Variants in CEP112 observed in about 807,000 individuals in gnomAD.
CEP112 encodes the protein centrosomal protein 112.
Under a neutral mutation model 153.0 loss-of-function variants are expected in CEP112, and 127 were observed. The ratio of observed to expected loss-of-function variants is 0.83; its 90% CI spans 0.72 to 0.96. The LOEUF (loss-of-function observed/expected upper bound fraction) is 0.96, where lower values mean the gene tolerates loss of function less well. CEP112 is among the 40% of genes least tolerant of loss of function. The pLI is 0.00. For synonymous variants in CEP112, 358 were observed against 374.4 expected, an observed-to-expected ratio of 0.96 and a Z score of 0.51; for missense variants, 1,089 against 1,101.2, an observed-to-expected ratio of 0.99 and a Z score of 0.16.
intron 18 of CEP112, among the ~76,000 whole-genome samples, chr17:65,945,301 A>G (rs954597636): frequency 6.6e-6 from 1 of 152,146 alleles, no homozygotes; most frequent in Non-Finnish European, 1.5e-5. Flanking sequence ...GGATTTGGGC[A>G]TTTTCCAGTT....
chr17:66,128,302 C>CAAAAAAAAAAAAAAAA (rs33978059), intron 6 of CEP112, among the ~76,000 whole-genome samples: 1 of 73,492 alleles, frequency 1.4e-5, no homozygotes, highest in Non-Finnish European at 2.4e-5. Context: ...GATTCTGTCT[C>CAAAAAAAAAAAAAAAA]AAAAAAAAAA....
intron 6 of CEP112, among the ~76,000 whole-genome samples, chr17:66,125,901 GTCTT>G (rs1259224149): frequency 2.0e-5 from 3 of 152,028 alleles, no homozygotes; most frequent in Admixed American, 6.6e-5. Flanking sequence ...ATAAAAGTTG[GTCTT>G]TCTATGTATG....
intron 4 of CEP112, among the ~76,000 whole-genome samples, chr17:66,172,473 T>A (rs2072287490): frequency 6.6e-6 from 1 of 152,172 alleles, no homozygotes; most frequent in East Asian, 1.9e-4. Flanking sequence ...GAATGCCTCA[T>A]ACTCTAGCAA....
chr17:65,800,371 T>C (rs1480379769), intron 21 of CEP112, among the ~76,000 whole-genome samples: 1 of 152,214 alleles, frequency 6.6e-6, no homozygotes, highest in Non-Finnish European at 1.5e-5. Flanking sequence ...ATGTGTGCTT[T>C]TGTGTCCAGA....
intron 24 of CEP112, among the ~76,000 whole-genome samples, chr17:65,660,319 CCTTT>C (rs149829911): frequency 0.15 from 18,778 of 121,712 alleles, 2,149 homozygotes; most frequent in East Asian, 0.41. Context: ...TTTCTTTCTT[CCTTT>C]CTTTCTCTTT....
chr17:65,725,212 T>C (rs2050110496), intron 23 of CEP112, among the ~76,000 whole-genome samples: 1 of 152,232 alleles, frequency 6.6e-6, no homozygotes, highest in South Asian at 2.1e-4. Context: ...ATGGGGTCCC[T>C]ACTTCTTTTA....
chr17:65,969,108 G>A (rs2062529665), intron 17 of CEP112, among the ~76,000 whole-genome samples: 1 of 129,492 alleles, frequency 7.7e-6, no homozygotes, highest in East Asian at 2.1e-4. Context: ...TTGAGACAAT[G>A]TCTTGATCTG....
At chr17:66,130,557 C>T (rs1035453904) in intron 5 of CEP112, among the ~76,000 whole-genome samples, 2 of 151,942 alleles carry the variant, frequency 1.3e-5, no homozygotes, top group Admixed American at 6.6e-5. Flanking sequence ...GGGCAGATCA[C>T]GAGGTCAGGA....
chr17:66,140,201 G>A (rs912452469), intron 4 of CEP112, among the ~76,000 whole-genome samples: 3 of 152,112 alleles, frequency 2.0e-5, no homozygotes, highest in Non-Finnish European at 4.4e-5. Flanking sequence ...GATCGATGCA[G>A]AAAGAGCATG....
intron 17 of CEP112, among the ~76,000 whole-genome samples, chr17:65,975,120 C>T (rs2062983837): frequency 6.6e-6 from 1 of 152,120 alleles, no homozygotes; most frequent in Non-Finnish European, 1.5e-5. Flanking sequence ...TGCTCTTGGG[C>T]TGAAGACGAA....
intron 24 of CEP112, among the ~76,000 whole-genome samples, chr17:65,678,434 T>C (rs563709838): frequency 6.6e-6 from 1 of 152,354 alleles, no homozygotes; most frequent in East Asian, 1.9e-4. Flanking sequence ...ATAATTTACT[T>C]GTTTGGAGTA....
rs536758119 is a variant in CEP112 at position 65,868,588 on chromosome 17, G to T, written c.2164-16554C>A. Among the ~76,000 whole-genome samples the T allele has an allele frequency of 2.9e-3, 435 of 151,840 alleles. 1 individual carries two copies. The highest frequency in any genetic ancestry group is 0.01 in the African/African-American group (418 of 41,396). ...GAATTGATGTTTTGAAATTGAATAT[G>T]CAGATTTCAAAGGACAGCATACACA... On this transcript the variant is annotated intron_variant, in intron 20 of 26. Transcript: ENST00000535342.
chr17:66,016,679 A>G (rs1312463303), intron 16 of CEP112, among the ~76,000 whole-genome samples: 3 of 152,180 alleles, frequency 2.0e-5, no homozygotes, highest in Non-Finnish European at 4.4e-5. Flanking sequence ...GTCAATAAGT[A>G]TTTTGCAAAT....
intron 3 of CEP112, among the ~76,000 whole-genome samples, chr17:66,175,553 C>G (rs2072436185): frequency 6.6e-6 from 1 of 152,106 alleles, no homozygotes; most frequent in Non-Finnish European, 1.5e-5. Context: ...CATCCTATCT[C>G]TTTCTGTAAT....
At chr17:66,040,514 C>T (rs1435143843) in intron 12 of CEP112, among the ~76,000 whole-genome samples, 2 of 108,182 alleles carry the variant, frequency 1.8e-5, no homozygotes, top group African/African-American at 3.6e-5. Context: ...TTTTTTGAGA[C>T]AGAGTCTTGC....
intron 23 of CEP112, among the ~76,000 whole-genome samples, chr17:65,702,682 C>A (rs1262077091): frequency 6.6e-6 from 1 of 152,056 alleles, no homozygotes; most frequent in Non-Finnish European, 1.5e-5. Context: ...TAAAGACATA[C>A]CCGAGACTGG....
At chr17:65,876,414 C>T (rs1666939572) in intron 20 of CEP112, among the ~76,000 whole-genome samples, 2 of 151,916 alleles carry the variant, frequency 1.3e-5, no homozygotes, top group Admixed American at 6.6e-5. Flanking sequence ...TCTCTTTTAC[C>T]ATTTATTATT....
At chr17:66,155,030 G>A (rs752884852) in intron 4 of CEP112, among the ~76,000 whole-genome samples, 1 of 152,040 alleles carries the variant, frequency 6.6e-6, no homozygotes, top group African/African-American at 2.4e-5. Context: ...GCCATAGGAT[G>A]ATACAACAAG....
intron 6 of CEP112, among the ~76,000 whole-genome samples, chr17:66,101,446 A>G (rs951636469): frequency 5.3e-5 from 8 of 151,552 alleles, no homozygotes. Flanking sequence ...ATCAAGAGGG[A>G]AAAAAAAGAT....
Sources: allele counts gnomAD v4.1 joint callset (sites outside exome capture counted in the v4.1 genomes callset), GRCh38; gene constraint gnomAD v4.1.1; transcripts MANE v1.5; gene names NCBI Gene and HGNC (gene_info 2026-07-23, HGNC 2026-07-21).